RDH10: variants seen among roughly 807,000 people sequenced by gnomAD.
RDH10 encodes the protein retinol dehydrogenase 10 (all-trans).
A neutral mutation model predicts 30.2 loss-of-function variants in RDH10; 12 were observed. The observed-to-expected ratio is 0.40, with a 90% CI of 0.25 to 0.64. The LOEUF is 0.64. Ranked by LOEUF, RDH10 falls within the 30% of genes least tolerant of loss-of-function variation. The probability of loss-of-function intolerance (pLI) is 0.43; values close to 1 mark genes in which losing one functional copy is unlikely to be tolerated. For missense variants in RDH10, 268 were observed against 445.2 expected, an observed-to-expected ratio of 0.60 and a Z score of 3.58; for synonymous variants, 189 against 172.2, an observed-to-expected ratio of 1.10 and a Z score of -0.76.
At chr8:73,315,278 C>T (rs543517442) in intron 2 of RDH10, 49 of 155,110 alleles carry the variant, frequency 3.2e-4, no homozygotes, top group Admixed American at 7.9e-4. Flanking sequence ...CTCTCCCCCT[C>T]GCCCTTTTTT....
At position 73,295,567 on chromosome 8, in the gene RDH10, C is replaced by T; in HGVS notation, c.278C>T (p.Ala93Val). 6.5e-7 allele frequency: 1 copy of T among 1,527,656 alleles called. No individual in the cohort carries two copies. The highest frequency in any genetic ancestry group is 1.4e-5 in the African/African-American group (1 of 71,780). 94.6% of individuals were successfully genotyped at this position (1,527,656 alleles called of 1,614,324 possible). Residue 93 changes from alanine to valine, a missense_variant, in exon 1 of 6, where the codon GCT (alanine) becomes GTT (valine). Around this residue, in one of 4 missense-constraint regions of RDH10, gnomAD observed 46 missense variants for 36.7 expected, o/e 1.25. Transcript: ENST00000240285. The stretch of plus-strand genomic sequence containing the variant: ...CGCGACCTGGAGGCGGCCGACGCCG[C>T]TGCGCTGCAAGGTAACCTGGACCCG... ...IYRDLEAADA[A>V]ALQAGNGEEE... is the part of the protein sequence containing the mutation.
intron 3 of RDH10, among the ~76,000 whole-genome samples, chr8:73,320,000 A>G (rs1417142231): frequency 6.6e-6 from 1 of 152,252 alleles, no homozygotes; most frequent in Non-Finnish European, 1.5e-5. Context: ...AATAGCACCT[A>G]TATCAAGGGA....
intron 2 of RDH10, among the ~76,000 whole-genome samples, chr8:73,298,748 G>A (rs370293756): frequency 6.6e-5 from 10 of 152,150 alleles, no homozygotes; most frequent in African/African-American, 1.4e-4. Flanking sequence ...GGCTGGTTGC[G>A]AACTCCTGAG....
chr8:73,315,769 A>ATT (rs762013263), intron 2 of RDH10, among the ~76,000 whole-genome samples: 10 of 152,210 alleles, frequency 6.6e-5, no homozygotes, highest in Non-Finnish European at 1.3e-4. Context: ...TCTGATAGGA[A>ATT]TTTGATATTG....
chr8:73,306,585 C>T (rs183418581), intron 2 of RDH10, among the ~76,000 whole-genome samples: 184 of 152,356 alleles, frequency 1.2e-3, no homozygotes, highest in Non-Finnish European at 1.9e-3. Flanking sequence ...CTGCCGCAAC[C>T]TTGAGTGCTG....
At chr8:73,303,144 G>A (rs1814408039) in intron 2 of RDH10, among the ~76,000 whole-genome samples, 1 of 152,092 alleles carries the variant, frequency 6.6e-6, no homozygotes, top group Non-Finnish European at 1.5e-5. Flanking sequence ...ATATCCAAAT[G>A]TCTAAAGTCT....
At chr8:73,312,218 A>G (rs1357595758) in intron 2 of RDH10, 1 of 152,240 alleles carries the variant, frequency 6.6e-6, no homozygotes, top group Non-Finnish European at 1.5e-5. Flanking sequence ...TTCAGGCATT[A>G]TAGGAGGTAT....
rs1317983865 is a variant in RDH10 at position 73,323,966 on chromosome 8, A to C, written c.*930A>C. ...CACCCAGCCTTGAATTTTTAATTTT[A>C]TCTCTGATATACTTCATTAAGTGTC... is the stretch of plus-strand genomic sequence containing the variant. On this transcript the variant is annotated 3_prime_UTR_variant, in exon 6 of 6. Transcript: ENST00000240285. 1 of 152,530 alleles carries C rather than the reference A, an allele frequency of 6.6e-6. No homozygotes were observed. The highest frequency in any genetic ancestry group is 1.5e-5 in the Non-Finnish European group (1 of 68,036). 9.4% of individuals were successfully genotyped at this position (152,530 alleles called of 1,614,324 possible).
At chr8:73,301,042 CTTTTTTTTTTTTTTTTT>C (rs57107587) in intron 2 of RDH10, among the ~76,000 whole-genome samples, 2 of 87,238 alleles carry the variant, frequency 2.3e-5, no homozygotes, top group East Asian at 3.4e-4. Context: ...AAACTCTATT[CTTTTTTTTTTTTTTTTT>C]TTTTTTTTTG....
chr8:73,308,913 T>C (rs1814509399), intron 2 of RDH10, among the ~76,000 whole-genome samples: 1 of 152,220 alleles, frequency 6.6e-6, no homozygotes, highest in Admixed American at 6.5e-5. Flanking sequence ...TAGAACCTTC[T>C]TCTCGGCTTG....
chr8:73,314,151 A>G (rs766917914), intron 2 of RDH10, among the ~76,000 whole-genome samples: 3 of 152,262 alleles, frequency 2.0e-5, no homozygotes, highest in Middle Eastern at 3.4e-3. Flanking sequence ...GCTGGTCTCT[A>G]TCTCATACAT....
chr8:73,299,453 T>C (rs752321628), intron 2 of RDH10, among the ~76,000 whole-genome samples: 1 of 152,156 alleles, frequency 6.6e-6, no homozygotes, highest in East Asian at 1.9e-4. Context: ...AAGACATACA[T>C]AAGTGGGAGG....
chr8:73,314,297 G>T (rs868404684), intron 2 of RDH10, among the ~76,000 whole-genome samples: 7 of 152,180 alleles, frequency 4.6e-5, no homozygotes, highest in African/African-American at 1.7e-4. Flanking sequence ...AGAGTAATTA[G>T]AAAAGAAAAC....
At chr8:73,304,557 A>G (rs1483053565) in intron 2 of RDH10, among the ~76,000 whole-genome samples, 1 of 152,184 alleles carries the variant, frequency 6.6e-6, no homozygotes, top group African/African-American at 2.4e-5. Flanking sequence ...TTAGCATGGC[A>G]TCCTGGGCCT....
chr8:73,312,821 C>G (rs1196593865), intron 2 of RDH10: 2 of 152,188 alleles, frequency 1.3e-5, no homozygotes, highest in East Asian at 3.8e-4. Context: ...ATTTATGGTC[C>G]TGTTTGGAAA....
intron 2 of RDH10, among the ~76,000 whole-genome samples, chr8:73,310,042 T>C (rs767898369): frequency 2.6e-5 from 4 of 152,168 alleles, no homozygotes; most frequent in Admixed American, 6.5e-5. Context: ...GATTCTCCCA[T>C]TGGAGATTCT....
At chr8:73,298,193 C>T (rs1814309920) in intron 2 of RDH10, among the ~76,000 whole-genome samples, 2 of 152,202 alleles carry the variant, frequency 1.3e-5, no homozygotes, top group Admixed American at 6.5e-5. Flanking sequence ...TCCCCTATAA[C>T]TGCACACTGC....
intron 2 of RDH10, among the ~76,000 whole-genome samples, chr8:73,314,464 G>A (rs1004706228): frequency 6.6e-6 from 1 of 152,132 alleles, no homozygotes; most frequent in South Asian, 2.1e-4. Context: ...GTAATTGCTC[G>A]CCTCTATTCA....
At chr8:73,304,758 G>C (rs1814439364) in intron 2 of RDH10, among the ~76,000 whole-genome samples, 1 of 152,122 alleles carries the variant, frequency 6.6e-6, no homozygotes, top group Non-Finnish European at 1.5e-5. Context: ...AACAGAAGTT[G>C]AATAGTTCAG....
Sources: gnomAD v4.1 joint callset for allele counts (sites outside exome capture counted in the v4.1 genomes callset) on GRCh38, gnomAD v4.1.1 for gene constraint, gnomAD v4.1.1 regional missense constraint, MANE v1.5 for transcripts, NCBI Gene and HGNC (gene_info 2026-07-23, HGNC 2026-07-21) for gene names.